NEBL: variants seen among roughly 807,000 people sequenced by gnomAD.
The protein encoded by NEBL is nebulette.
In NEBL, 122 loss-of-function variants were observed where a neutral mutation model predicts 140.2. That is an observed-to-expected ratio of 0.87 (90% CI 0.75 to 1.01). The LOEUF is 1.01. NEBL is among the 50% of genes least tolerant of loss of function. The pLI is 0.00. For synonymous variants in NEBL, 436 were observed against 398.9 expected (o/e 1.09, Z -1.11); for missense variants, 1,365 against 1,231.3 (o/e 1.11, Z -1.62).
intron 2 of NEBL, among the ~76,000 whole-genome samples, chr10:21,153,067 C>T (rs1273160696): frequency 6.6e-6 from 1 of 152,212 alleles, no homozygotes; most frequent in Non-Finnish European, 1.5e-5. Context: ...AGCCTTCTAG[C>T]TCACAAATGT....
In NEBL at chr10:20,829,599, A is replaced by T. The variant is rs904301550; in HGVS notation, c.1672-965T>A. On this transcript the variant is annotated intron_variant, in intron 16 of 27. Transcript: ENST00000377122. The stretch of plus-strand genomic sequence containing the variant: ...CTTAAAGTATAATAATAATAAAATT[A>T]AAAAAAAAGAAAGGTAACTACTATT... Among the ~76,000 whole-genome samples, 14 of 139,584 alleles carry T rather than the reference A, an allele frequency of 1.0e-4. 1 individual carries two copies. In the South Asian group the frequency reaches 1.3e-3, roughly 13 times the overall value. 91.6% of individuals were successfully genotyped at this position (139,584 alleles called of 152,430 possible). A position where few individuals can be genotyped will look rare whatever the true frequency, so the allele number is the denominator to read the frequency against.
chr10:21,099,757 A>G (rs577962022), intron 2 of NEBL, among the ~76,000 whole-genome samples: 1 of 152,336 alleles, frequency 6.6e-6, no homozygotes, highest in South Asian at 2.1e-4. Flanking sequence ...GGGTATTTCC[A>G]ACATTAAAAT....
chr10:21,001,064 G>C (rs1837873664), intron 3 of NEBL, among the ~76,000 whole-genome samples: 1 of 152,134 alleles, frequency 6.6e-6, no homozygotes, highest in South Asian at 2.1e-4. Flanking sequence ...GTCCCCATGA[G>C]CTTGTATAGA....
intron 1 of NEBL, among the ~76,000 whole-genome samples, chr10:21,287,606 A>T (rs979635993): frequency 1.6e-4 from 25 of 152,214 alleles, no homozygotes; most frequent in Admixed American, 3.3e-4. Context: ...AAGTAAAATT[A>T]AAATTATAAT....
intron 2 of NEBL, among the ~76,000 whole-genome samples, chr10:21,152,200 A>T (rs1181773265): frequency 6.6e-6 from 1 of 152,186 alleles, no homozygotes; most frequent in Non-Finnish European, 1.5e-5. Context: ...AACACAGCCC[A>T]ATCCATGATG....
intron 2 of NEBL, among the ~76,000 whole-genome samples, chr10:21,085,596 C>T (rs1836587706): frequency 6.6e-6 from 1 of 152,190 alleles, no homozygotes; most frequent in Admixed American, 6.5e-5. Flanking sequence ...GATCATGCCA[C>T]TGTACTCCAG....
chr10:20,810,764 G>A (rs982739342), intron 24 of NEBL, among the ~76,000 whole-genome samples: 2 of 152,178 alleles, frequency 1.3e-5, no homozygotes, highest in South Asian at 4.1e-4. Context: ...CGGCAGAAAT[G>A]GGGCTACAGC....
intron 4 of NEBL, among the ~76,000 whole-genome samples, chr10:20,952,440 G>GA (rs71390801): frequency 0.034 from 3,435 of 101,660 alleles, 125 homozygotes; most frequent in African/African-American, 0.1. Context: ...CTGTCTGAAG[G>GA]AAAAAAAAAA....
chr10:21,046,384 G>A lies in NEBL; in HGVS notation c.165-26183C>T, dbSNP rs117843784. ...GAAAATAGATTTTGTAGTGTTATAC[G>A]AGGTAATACATATGTTAAATAGCTT... On this transcript the variant is annotated intron_variant, in intron 2 of 6. Transcript: ENST00000417816. Among the ~76,000 whole-genome samples, 822 of 152,204 alleles carry A rather than the reference G, an allele frequency of 5.4e-3. 6 individuals are homozygous for A. The highest frequency in any genetic ancestry group is 6.8e-3 in the South Asian group (33 of 4,822).
intron 3 of NEBL, among the ~76,000 whole-genome samples, chr10:21,019,609 C>T (rs1052951596): frequency 1.3e-5 from 2 of 152,172 alleles, no homozygotes; most frequent in African/African-American, 4.8e-5. Flanking sequence ...CATGGTTGAC[C>T]GGGAGCCAAT....
intron 3 of NEBL, among the ~76,000 whole-genome samples, chr10:21,189,754 A>G (rs1009612363): frequency 3.3e-5 from 5 of 152,184 alleles, no homozygotes; most frequent in Non-Finnish European, 7.3e-5. Context: ...GGCATGAGCC[A>G]CCGCGCCTGG....
chr10:21,032,836 A>G (rs1388261919), intron 2 of NEBL, among the ~76,000 whole-genome samples: 1 of 152,166 alleles, frequency 6.6e-6, no homozygotes. Flanking sequence ...CTTGCCACCT[A>G]TTGATCTACT....
At position 20,782,692 on chromosome 10, in the gene NEBL, A is replaced by T. The variant is rs1835110962; in HGVS notation, c.*3055T>A. On this transcript the variant is annotated 3_prime_UTR_variant, in exon 28 of 28. Transcript: ENST00000377122. ...TGTATGGAGGTCGAGGAGACCTGGG[A>T]TCATCAAGAGCCTCCTCCATGGGCA... 6.6e-6 allele frequency: 1 copy of T among 152,224 alleles called. No individual in the cohort carries two copies. The highest frequency in any genetic ancestry group is 2.4e-5 in the African/African-American group (1 of 41,452). 9.4% of individuals were successfully genotyped at this position (152,224 alleles called of 1,614,324 possible). A position where few individuals can be genotyped will look rare whatever the true frequency, so the allele number is the denominator to read the frequency against.
At chr10:21,287,181 G>C (rs545649751) in intron 1 of NEBL, among the ~76,000 whole-genome samples, 1 of 152,284 alleles carries the variant, frequency 6.6e-6, no homozygotes, top group South Asian at 2.1e-4. Flanking sequence ...TCAAGGGAAA[G>C]AATCCAGGAA....
chr10:20,819,265 T>C (rs1839038410), intron 20 of NEBL, 159 bp downstream of exon 20: 16 of 1,218,136 alleles, frequency 1.3e-5, no homozygotes, highest in Non-Finnish European at 1.8e-5. Context: ...CCCCTCTATG[T>C]GTCCATGTAT....
At chr10:21,268,490 T>TA (rs959587303) in intron 1 of NEBL, among the ~76,000 whole-genome samples, 3 of 151,002 alleles carry the variant, frequency 2.0e-5, no homozygotes, top group Admixed American at 6.6e-5. Context: ...CTCTAAAGAG[T>TA]AAAAAATACA....
chr10:21,047,577 T>G (rs1030555197), intron 2 of NEBL, among the ~76,000 whole-genome samples: 2 of 152,052 alleles, frequency 1.3e-5, no homozygotes, highest in South Asian at 4.2e-4. Flanking sequence ...CTCTACTTTG[T>G]CCCACAAATA....
At position 20,949,561 on chromosome 10, in the gene NEBL, T is replaced by A. The variant is rs1312130889; in HGVS notation, c.357+12111A>T. On this transcript the variant is annotated intron_variant, in intron 4 of 6. Transcript: ENST00000417816. ...TTCACTTTCAAACTCTTTAATCTTCTTAAGCATTGAAAATCGAAATAGTAA... is the reference window on the plus strand; with the variant it reads ...TTCACTTTCAAACTCTTTAATCTTCATAAGCATTGAAAATCGAAATAGTAA... 2.0e-5 allele frequency among the ~76,000 whole-genome samples: 3 copies of A among 152,262 alleles called. No homozygotes were observed. In the East Asian group the frequency reaches 5.8e-4, roughly 29 times the overall value.
At chr10:20,989,788 A>G (rs999089217) in intron 3 of NEBL, among the ~76,000 whole-genome samples, 1 of 152,186 alleles carries the variant, frequency 6.6e-6, no homozygotes, top group Non-Finnish European at 1.5e-5. Flanking sequence ...ACAGGAGTAA[A>G]TCTTTTGGAG....
Sources: allele counts gnomAD v4.1 joint callset (sites outside exome capture counted in the v4.1 genomes callset), GRCh38; gene constraint gnomAD v4.1.1; transcripts MANE v1.5; gene names NCBI Gene and HGNC (gene_info 2026-07-23, HGNC 2026-07-21).